FER1L6: variants seen among roughly 807,000 people sequenced by gnomAD.
FER1L6 encodes the protein fer-1-like protein 6.
In FER1L6, 177 loss-of-function variants were observed where a neutral mutation model predicts 219.2. The observed-to-expected ratio is 0.81, with a 90% confidence interval of 0.71 to 0.91. The LOEUF (loss-of-function observed/expected upper bound fraction) is 0.91. Among genes scored for constraint, FER1L6 ranks in the 40% least tolerant of loss-of-function variants. FER1L6 has a pLI of 0.00. For synonymous variants in FER1L6, 768 were observed against 824.3 expected, an observed-to-expected ratio of 0.93 and a Z score of 1.17; for missense variants, 2,153 against 2,259.9, an observed-to-expected ratio of 0.95 and a Z score of 0.96.
chr8:123,958,928 C>G (rs1408519226), intron 2 of FER1L6, among the ~76,000 whole-genome samples: 6 of 151,668 alleles, frequency 4.0e-5, no homozygotes, highest in African/African-American at 1.5e-4. Flanking sequence ...GAAAGGGGGC[C>G]TTGTGGATAG....
chr8:124,075,550 A>G (rs1821247280), intron 31 of FER1L6, among the ~76,000 whole-genome samples: 1 of 152,194 alleles, frequency 6.6e-6, no homozygotes, highest in African/African-American at 2.4e-5. Flanking sequence ...GAAAAAGTAC[A>G]CTCTAAAGAC....
chr8:124,092,879 G>T, intron 34 of FER1L6, among the ~76,000 whole-genome samples: 1 of 143,554 alleles, frequency 7.0e-6, no homozygotes, highest in African/African-American at 2.6e-5. Flanking sequence ...TTTTTGAGAT[G>T]GAGTCTCATT....
At chr8:124,013,257 A>G (rs1440022470) in intron 14 of FER1L6, among the ~76,000 whole-genome samples, 174 bp from the exon 15 acceptor site, 4 of 152,246 alleles carry the variant, frequency 2.6e-5, no homozygotes, top group African/African-American at 9.6e-5. Context: ...GAAAAGTTCA[A>G]AGTTAGAATG....
chr8:123,993,218 G>A (rs901515211), intron 12 of FER1L6, among the ~76,000 whole-genome samples: 22 of 151,886 alleles, frequency 1.4e-4, no homozygotes, highest in Non-Finnish European at 1.6e-4. Flanking sequence ...CGAGGCGGGC[G>A]GATCACGAGG....
intron 1 of FER1L6, among the ~76,000 whole-genome samples, chr8:123,891,941 A>T (rs933321051): frequency 4.6e-5 from 7 of 152,212 alleles, no homozygotes; most frequent in Non-Finnish European, 1.0e-4. Context: ...TTTTTCTATA[A>T]ATTAATTATA....
Position 123,873,441 on chromosome 8 carries a change from T to C in FER1L6, c.-8+21256T>C, listed in dbSNP as rs375998104. Among the ~76,000 whole-genome samples, 4 of 152,260 alleles carry C rather than the reference T, an allele frequency of 2.6e-5. No homozygotes were observed. In the East Asian group the frequency reaches 5.8e-4, roughly 22 times the overall value. The stretch of plus-strand genomic sequence containing the variant: ...TCTCCATGGAGGAGCCTGTTTCTCC[T>C]GTAGCCTCATCAGTGATAGCCTTTT... On this transcript the variant is annotated intron_variant, in intron 1 of 40. Transcript: ENST00000522917.
intron 16 of FER1L6, among the ~76,000 whole-genome samples, chr8:124,019,992 C>T (rs926293157): frequency 6.6e-6 from 1 of 152,036 alleles, no homozygotes; most frequent in Non-Finnish European, 1.5e-5. Flanking sequence ...TTGGCTGTGT[C>T]CCCACCCAAA....
At chr8:123,944,718 C>A (rs768680291) in intron 1 of FER1L6, among the ~76,000 whole-genome samples, 1 of 152,100 alleles carries the variant, frequency 6.6e-6, no homozygotes, top group Non-Finnish European at 1.5e-5. Context: ...TACAGGGTAA[C>A]CAGACCTGGG....
intron 27 of FER1L6, 70 bp from the exon 28 acceptor site, chr8:124,067,695 TGA>T: frequency 7.6e-7 from 1 of 1,311,626 alleles, no homozygotes; most frequent in Non-Finnish European, 1.1e-6. Flanking sequence ...TGCAGAGGGC[TGA>T]GATAATTGTT....
chr8:124,046,447 G>A (rs188203316), intron 21 of FER1L6: 3 of 152,364 alleles, frequency 2.0e-5, no homozygotes, highest in East Asian at 1.9e-4. Context: ...CTCCAAAGAC[G>A]TTTGTGTGCT....
At chr8:123,898,848 T>TACACACAC (rs147446907) in intron 1 of FER1L6, among the ~76,000 whole-genome samples, 16 of 143,246 alleles carry the variant, frequency 1.1e-4, no homozygotes, top group African/African-American at 3.4e-4. Flanking sequence ...CATACATATA[T>TACACACAC]ACACACACAC....
chr8:124,002,152 G>T (rs543010907), intron 12 of FER1L6, among the ~76,000 whole-genome samples: 2 of 152,330 alleles, frequency 1.3e-5, no homozygotes, highest in East Asian at 3.9e-4. Context: ...CAAGAAGGGG[G>T]CCTTATAATC....
intron 27 of FER1L6, among the ~76,000 whole-genome samples, chr8:124,066,953 G>T (rs1205393187): frequency 6.6e-6 from 1 of 152,152 alleles, no homozygotes; most frequent in Non-Finnish European, 1.5e-5. Context: ...AGGATTCTAA[G>T]TTCACATGGG....
intron 27 of FER1L6, 105 bp downstream of exon 27, chr8:124,066,655 T>C (rs1315999719): frequency 8.0e-7 from 1 of 1,250,366 alleles, no homozygotes; most frequent in Non-Finnish European, 1.1e-6. Context: ...CCACTATACA[T>C]AGACCCTACT....
At chr8:123,894,368 C>T (rs1008360401) in intron 1 of FER1L6, among the ~76,000 whole-genome samples, 7 of 152,146 alleles carry the variant, frequency 4.6e-5, no homozygotes, top group African/African-American at 1.4e-4. Flanking sequence ...TTCTTGGCTG[C>T]AGCACCTGAT....
At chr8:123,996,743 T>G (rs750820764) in intron 12 of FER1L6, among the ~76,000 whole-genome samples, 1 of 152,168 alleles carries the variant, frequency 6.6e-6, no homozygotes. Context: ...CAATTTTCTC[T>G]GGCATGTTTT....
chr8:124,022,535 A>G (rs184079223), intron 17 of FER1L6, among the ~76,000 whole-genome samples: 1 of 152,342 alleles, frequency 6.6e-6, no homozygotes. Flanking sequence ...TTAAATTCTA[A>G]TTTCCTGTGC....
At chr8:124,074,800 C>T (rs1032979930) in intron 31 of FER1L6, among the ~76,000 whole-genome samples, 18 of 152,124 alleles carry the variant, frequency 1.2e-4, no homozygotes, top group Non-Finnish European at 2.1e-4. Flanking sequence ...GCCTCCTACA[C>T]GATAGTATAG....
chr8:123,895,201 A>G (rs1028761977), intron 1 of FER1L6, among the ~76,000 whole-genome samples: 1 of 152,260 alleles, frequency 6.6e-6, no homozygotes, highest in Non-Finnish European at 1.5e-5. Context: ...GTTTTACAAC[A>G]TTAGTGACCT....
Sources: allele counts gnomAD v4.1 joint callset (sites outside exome capture counted in the v4.1 genomes callset), GRCh38; gene constraint gnomAD v4.1.1; transcripts MANE v1.5; gene names NCBI Gene and HGNC (gene_info 2026-07-23, HGNC 2026-07-21).